Variants in MGAT5B observed in about 807,000 individuals in gnomAD.
The protein encoded by MGAT5B is N-acetylglucosaminyl-transferase Vb.
Under a neutral mutation model 95.1 loss-of-function variants are expected in MGAT5B, and 54 were observed. The ratio of observed to expected loss-of-function variants is 0.57; its 90% CI spans 0.46 to 0.71. MGAT5B has a LOEUF of 0.71. Among genes scored for constraint, MGAT5B ranks in the 30% least tolerant of loss-of-function variants. The probability of loss-of-function intolerance (pLI) is 0.00; values close to 1 mark genes in which losing one functional copy is unlikely to be tolerated. For synonymous variants in MGAT5B, 464 were observed against 451.0 expected (o/e 1.03, Z -0.36); for missense variants, 935 against 1,088.6 (o/e 0.86, Z 1.99).
At chr17:76,902,248 T>C (rs927917353) in intron 3 of MGAT5B, among the ~76,000 whole-genome samples, 3 of 151,636 alleles carry the variant, frequency 2.0e-5, no homozygotes, top group Non-Finnish European at 4.4e-5. Context: ...GTGGGGGATG[T>C]CCACTAAAGG....
rs1389627546 is a variant in MGAT5B, at chr17:76,904,297, G to C, written c.565G>C (p.Gly189Arg). 1.2e-5 allele frequency: 19 copies of C among 1,610,872 alleles called. No individual in the cohort carries two copies. Among genetic ancestry groups the C allele is most frequent in the Non-Finnish European group, 1.5e-5 (18 of 1,179,008 alleles). ...WTSDPCYAFF[G>R]VDGTECSFLI... ...CTCTGACCCCTGCTACGCCTTCTTT[G>C]GGGTGGACGGCACCGAGTGCTCCTT... The change falls in exon 6 of 18, where the codon GGG becomes CGG. Residue 189 changes from glycine to arginine, a missense_variant. By Grantham distance (125) the Gly-to-Arg change is moderately radical (BLOSUM62 -2). This residue lies in a region of MGAT5B where 243 missense variants were observed against 305.5 expected (regional missense o/e 0.80). Transcript: ENST00000569840.
At chr17:76,882,525 A>C in intron 3 of MGAT5B, 1 of 495,660 alleles carries the variant, frequency 2.0e-6, no homozygotes, top group Admixed American at 4.0e-5. Context: ...ATGAAAACTA[A>C]AAGGCCTTTT....
At chr17:76,885,962 C>T (rs1033692507) in intron 3 of MGAT5B, among the ~76,000 whole-genome samples, 5 of 152,224 alleles carry the variant, frequency 3.3e-5, no homozygotes, top group Admixed American at 6.5e-5. Context: ...AAAAAAAACA[C>T]GTCCCCTGTT....
chr17:76,873,789 G>A (rs2145114182), intron 2 of MGAT5B, among the ~76,000 whole-genome samples: 1 of 152,314 alleles, frequency 6.6e-6, no homozygotes, highest in Middle Eastern at 3.4e-3. Flanking sequence ...ATGGGGTAGT[G>A]GGGAAACTGA....
intron 8 of MGAT5B, among the ~76,000 whole-genome samples, chr17:76,921,348 TC>T (rs1427324678): frequency 6.6e-6 from 1 of 152,114 alleles, no homozygotes; most frequent in Non-Finnish European, 1.5e-5. Flanking sequence ...AGATTCCTTC[TC>T]CCCCATCCGT....
At chr17:76,904,450 G>A in intron 6 of MGAT5B, 28 bp downstream of exon 6, 3 of 1,545,162 alleles carry the variant, frequency 1.9e-6, no homozygotes, top group Non-Finnish European at 2.6e-6. Flanking sequence ...GTGGGCCGGT[G>A]AGGGGCTGGT....
intron 1 of MGAT5B, among the ~76,000 whole-genome samples, chr17:76,872,296 G>A (rs944836206): frequency 6.6e-6 from 1 of 152,200 alleles, no homozygotes; most frequent in African/African-American, 2.4e-5. Flanking sequence ...CTGCAGCAAG[G>A]CCTCTGCACA....
chr17:76,940,462 G>C lies in MGAT5B; in HGVS notation c.1645G>C (p.Gly549Arg). 1 of 1,613,966 alleles carries C rather than the reference G, an allele frequency of 6.2e-7. No individual in the cohort carries two copies. The highest frequency in any genetic ancestry group is 1.1e-5 in the South Asian group (1 of 91,056). The change falls in exon 14 of 18, where the codon GGT (glycine) becomes CGT (arginine). Residue 549 changes from glycine to arginine, a missense_variant. By Grantham distance (125) the Gly-to-Arg change is moderately radical. Around this residue, in one of 4 missense-constraint regions of MGAT5B, gnomAD observed 440 missense variants for 523.6 expected, o/e 0.84. Transcript: ENST00000569840. The surrounding 1 kb of genome is among the most constrained non-coding windows in gnomAD (Gnocchi z 4.3). Reference sequence around the variant, plus strand: ...CGCCCCCCTGGAGGCCATCGCCAATGGTTGCATCTTCCTGCAGTCCCGCTT... The same window carrying C: ...CGCCCCCCTGGAGGCCATCGCCAATCGTTGCATCTTCCTGCAGTCCCGCTT... Reference protein sequence around the residue: ...GPAPLEAIANGCIFLQSRFSP... With the variant: ...GPAPLEAIANRCIFLQSRFSP...
At chr17:76,903,595 C>T (rs574513321) in intron 5 of MGAT5B, among the ~76,000 whole-genome samples, 1 of 152,336 alleles carries the variant, frequency 6.6e-6, no homozygotes, top group Admixed American at 6.5e-5. Context: ...CAAGTGTCAC[C>T]GCCAGCAGCC....
chr17:76,936,560 G>A (rs1443059944), intron 12 of MGAT5B, among the ~76,000 whole-genome samples: 1 of 152,054 alleles, frequency 6.6e-6, no homozygotes. Flanking sequence ...CTGTTTTTTT[G>A]TATAAGTTTT....
In MGAT5B at chr17:76,882,276, G is replaced by A. The variant is rs770096837; in HGVS notation, c.307G>A (p.Asp103Asn). Residue 103 changes from aspartate (D) to asparagine (N), a missense_variant, in exon 3 of 18, where the codon GAC becomes AAC. Physicochemically the swap from Asp to Asn is conservative, Grantham distance 23. Coordinates refer to ENST00000569840, the MANE Select transcript of MGAT5B (RefSeq NM_001199172.2). Reference protein sequence around the residue: ...NSSELHRAGGDLHFPADRMPP... With the variant: ...NSSELHRAGGNLHFPADRMPP... ...CAGTGAGCTGCACCGGGCCGGCGGC[G>A]ACCTGCACTTTCCCGCAGACAGGTG... is the stretch of plus-strand genomic sequence containing the variant. 8.7e-6 allele frequency: 14 copies of A among 1,612,424 alleles called. No homozygotes were observed. The highest frequency in any genetic ancestry group is 5.5e-5 in the South Asian group (5 of 90,918).
chr17:76,923,831 G>C (rs1969202391), intron 8 of MGAT5B: 1 of 152,228 alleles, frequency 6.6e-6, no homozygotes, highest in South Asian at 2.1e-4. Flanking sequence ...GGGGGTGTTT[G>C]GGGAAGCGGG....
At chr17:76,924,696 G>A (rs1077298) in intron 8 of MGAT5B, among the ~76,000 whole-genome samples, 4,190 of 152,334 alleles carry the variant, frequency 0.028, 82 homozygotes, top group Middle Eastern at 0.048. Flanking sequence ...TTGTGTCGAT[G>A]ACAAAAGGTG....
intron 3 of MGAT5B, among the ~76,000 whole-genome samples, chr17:76,894,892 A>T (rs1317955399): frequency 6.6e-6 from 1 of 151,982 alleles, no homozygotes; most frequent in African/African-American, 2.4e-5. Flanking sequence ...AGGCAAAAAA[A>T]AAGAACAGAT....
rs779289738 is a variant in MGAT5B, at chr17:76,868,982, G to C, written c.-48G>C. 33 of 1,581,820 alleles carry C rather than the reference G, an allele frequency of 2.1e-5. No individual in the cohort carries two copies. The highest frequency in any genetic ancestry group is 2.7e-5 in the Non-Finnish European group (31 of 1,151,590). On this transcript the variant is annotated 5_prime_UTR_variant, in exon 1 of 18. Coordinates refer to ENST00000569840, the MANE Select transcript of MGAT5B (RefSeq NM_001199172.2). This position sits in a 1 kb window ranked among gnomAD's most constrained non-coding sequence, Gnocchi z 6.3. ...ACGCGGCGAGAGCTGGGCCCAGGAC[G>C]GTGCGTCCGGCCTCGCCCGCGGCTG...
rs563847353 is a variant in MGAT5B at position 76,937,999 on chromosome 17, G to T, written c.1440G>T (p.Lys480Asn). 34 of 1,613,752 alleles carry T rather than the reference G, an allele frequency of 2.1e-5. No homozygotes were observed. The Middle Eastern group carries it at 5.0e-4, about 24-fold the overall frequency. ...ASIWKLQGKEKFLGILNKYME... is the reference protein window; with the variant it reads ...ASIWKLQGKENFLGILNKYME... Reference sequence around the variant, plus strand: ...TCTTCTTTTTCCAGGGGAAGGAGAAGTTCCTGGGCATCCTGAACAAATACA... The same window carrying T: ...TCTTCTTTTTCCAGGGGAAGGAGAATTTCCTGGGCATCCTGAACAAATACA... The change falls in exon 13 of 18, where the codon AAG becomes AAT. Residue 480 changes from lysine (K) to asparagine (N), a missense_variant. Around this residue, in one of 4 missense-constraint regions of MGAT5B, gnomAD observed 440 missense variants for 523.6 expected, o/e 0.84. Transcript: ENST00000569840.
intron 2 of MGAT5B, among the ~76,000 whole-genome samples, chr17:76,880,706 G>A (rs2084056469): frequency 6.6e-6 from 1 of 152,194 alleles, no homozygotes; most frequent in Admixed American, 6.5e-5. Flanking sequence ...AGAGGCCCCA[G>A]TCCCCTTGCC....
rs577290654 is a variant in MGAT5B, at chr17:76,869,529, T to C, written c.68+432T>C. On this transcript the variant is annotated intron_variant, in intron 1 of 17. Coordinates refer to ENST00000569840, the MANE Select transcript of MGAT5B (RefSeq NM_001199172.2). This position sits in a 1 kb window ranked among gnomAD's most constrained non-coding sequence, Gnocchi z 7.0. ...TCCGGTCCCTCCCGTCCCGCCCGTC[T>C]GCCCCTAGGTCGGCTACCCCCCAAC... 1.7e-4 allele frequency among the ~76,000 whole-genome samples: 26 copies of C among 152,186 alleles called. No individual in the cohort carries two copies. Among genetic ancestry groups the C allele is most frequent in the Non-Finnish European group, 3.1e-4 (21 of 67,974 alleles).
rs552999012 is a variant in MGAT5B, at chr17:76,903,074, G to A, written c.446-229G>A. Among the ~76,000 whole-genome samples, 5 of 152,296 alleles carry A rather than the reference G, an allele frequency of 3.3e-5. No individual in the cohort carries two copies. In the South Asian group the frequency reaches 1.0e-3, roughly 32 times the overall value. On this transcript the variant is annotated intron_variant, in intron 4 of 17. Transcript: ENST00000569840. ...TGCATGAGGTCTGCCCATCCAGGCA[G>A]CTGCTGAGTGGCTGTTCGCACCAGC... is the stretch of plus-strand genomic sequence containing the variant.
Sources: gnomAD v4.1 joint callset for allele counts (sites outside exome capture counted in the v4.1 genomes callset) on GRCh38, gnomAD v4.1.1 for gene constraint, gnomAD v4.1.1 regional missense constraint, Gnocchi (gnomAD v3.1) non-coding constraint, MANE v1.5 for transcripts, NCBI Gene and HGNC (gene_info 2026-07-23, HGNC 2026-07-21) for gene names.